Variants in PDLIM7 observed in about 807,000 individuals in gnomAD.
PDLIM7 encodes the protein PDZ and LIM domain protein 7.
PDLIM7 carries 37 observed loss-of-function variants against 53.9 expected under a neutral mutation model. The ratio of observed to expected loss-of-function variants is 0.69; its 90% CI spans 0.53 to 0.90. The LOEUF (loss-of-function observed/expected upper bound fraction) is 0.90, where lower values mean the gene tolerates loss of function less well. Among genes scored for constraint, PDLIM7 ranks in the 40% least tolerant of loss-of-function variants. The pLI, the probability that PDLIM7 is intolerant of heterozygous loss-of-function variation, is 0.00. For missense variants in PDLIM7, 617 were observed against 638.5 expected (o/e 0.97, Z 0.36); for synonymous variants, 300 against 261.3 (o/e 1.15, Z -1.43).
intron 2 of PDLIM7, 171 bp from the exon 3 acceptor site, chr5:177,492,848 T>TGGC: frequency 1.5e-6 from 1 of 646,638 alleles, no homozygotes; most frequent in Non-Finnish European, 2.6e-6. Flanking sequence ...CAGGAGGTGG[T>TGGC]GGCGCTCACC....
rs1376561984 is a variant in PDLIM7 at position 177,488,193 on chromosome 5, TAC to T, written c.923_924del (p.Cys308Ter). On this transcript the variant is annotated frameshift_variant, in exon 10 of 13. Transcript: ENST00000355841. LOFTEE classifies it high-confidence loss of function. ...GHAYHPEEFVCSQCGKVLEEG... is the reference protein window; with the variant it reads ...GHAYHPEEFVXSQCGKVLEEG... Reference sequence around the variant, plus strand: ...TCTTCCAGGACCTTCCCACACTGGCTACACACAAACTCCTCCGGGTGGTACGC... The same window carrying T: ...TCTTCCAGGACCTTCCCACACTGGCTACACAAACTCCTCCGGGTGGTACGC... 6.2e-7 allele frequency: 1 copy of T among 1,613,180 alleles called. No homozygotes were observed. The highest frequency in any genetic ancestry group is 1.7e-5 in the Admixed American group (1 of 59,992).
intron 2 of PDLIM7, 90 bp from the exon 3 acceptor site, chr5:177,492,767 TC>T: frequency 7.1e-7 from 1 of 1,414,562 alleles, no homozygotes; most frequent in Non-Finnish European, 9.7e-7. Flanking sequence ...CCCAAAGCTG[TC>T]CCACTTCCAG....
chr5:177,490,971 G>A (rs1394494085), intron 6 of PDLIM7, 39 bp downstream of exon 6: 3 of 1,614,000 alleles, frequency 1.9e-6, no homozygotes, highest in East Asian at 2.2e-5. Context: ...CCTGGGCTGG[G>A]GGCGAGGAAA....
At chr5:177,491,352 C>T in intron 5 of PDLIM7, 1 of 1,549,856 alleles carries the variant, frequency 6.5e-7, no homozygotes, top group South Asian at 1.2e-5. Flanking sequence ...GGGCCGCCAC[C>T]CAGAGTGCCA....
At chr5:177,496,387 G>T in intron 2 of PDLIM7, 30 bp downstream of exon 2, 1 of 1,507,116 alleles carries the variant, frequency 6.6e-7, no homozygotes, top group Non-Finnish European at 8.9e-7. Flanking sequence ...AAGACCGCTG[G>T]GGGAGCCCCC....
At chr5:177,496,562 G>A (rs1186802712) in intron 1 of PDLIM7, 39 bp from the exon 2 acceptor site, 3 of 1,432,520 alleles carry the variant, frequency 2.1e-6, no homozygotes, top group Non-Finnish European at 2.8e-6. Context: ...CCAGCATGGT[G>A]GGCGGGCAGG....
chr5:177,491,132 G>T lies in PDLIM7; in HGVS notation c.413C>A (p.Pro138Gln), dbSNP rs377373032. ...APQQNGQPLR[P>Q]LVPDASKQRL... ...CTGCTTGCTGGCATCTGGGACCAGCGGTCGGAGCGGCTGTCTGTGGGGAGG... is the reference window on the plus strand; with the variant it reads ...CTGCTTGCTGGCATCTGGGACCAGCTGTCGGAGCGGCTGTCTGTGGGGAGG... Residue 138 changes from proline (P) to glutamine (Q), a missense_variant, in exon 6 of 13, where the codon CCG becomes CAG. Pro to Gln is a moderately conservative substitution (Grantham distance 76). Coordinates refer to ENST00000355841, the MANE Select transcript of PDLIM7 (RefSeq NM_005451.5). 3.2e-5 allele frequency: 52 copies of T among 1,609,632 alleles called. No individual in the cohort carries two copies. The highest frequency in any genetic ancestry group is 4.4e-5 in the Non-Finnish European group (52 of 1,178,010).
intron 7 of PDLIM7, 88 bp from the exon 8 acceptor site, chr5:177,489,920 A>G (rs1195824259): frequency 1.9e-6 from 3 of 1,540,046 alleles, no homozygotes; most frequent in Non-Finnish European, 2.6e-6. Flanking sequence ...GCCCCACGGG[A>G]GATGACTGGG....
chr5:177,489,687 C>G (rs1055498741), intron 8 of PDLIM7, 60 bp from the exon 9 acceptor site: 8 of 1,494,314 alleles, frequency 5.4e-6, no homozygotes, highest in Non-Finnish European at 7.1e-6. Flanking sequence ...GGGGTGGAGC[C>G]CCAGGCAGCT....
chr5:177,491,233 G>A, intron 5 of PDLIM7, 87 bp from the exon 6 acceptor site: 1 of 1,495,256 alleles, frequency 6.7e-7, no homozygotes, highest in Non-Finnish European at 9.1e-7. Context: ...GTGGGTTTGG[G>A]TTACAGTGAT....
intron 5 of PDLIM7, 63 bp downstream of exon 5, chr5:177,491,744 C>T (rs1186353281): frequency 1.2e-6 from 1 of 803,384 alleles, no homozygotes; most frequent in Non-Finnish European, 1.7e-6. Context: ...CAGCAGCGGG[C>T]AGCGGGCGTG....
At position 177,488,261 on chromosome 5, in the gene PDLIM7, G is replaced by C; in HGVS notation, c.870-13C>G. Reference sequence around the variant, plus strand: ...CAGGTAGCGGCCCCTGCAGGGAGGCGAGAGCGGTCAGAGGGAGCACACGCA... The same window carrying C: ...CAGGTAGCGGCCCCTGCAGGGAGGCCAGAGCGGTCAGAGGGAGCACACGCA... On this transcript the variant is annotated splice_polypyrimidine_tract_variant and intron_variant, in intron 9 of 12. Coordinates refer to ENST00000355841, the MANE Select transcript of PDLIM7 (RefSeq NM_005451.5). The C allele has an allele frequency of 6.3e-7, 1 of 1,586,462 alleles. No homozygotes were observed. Among genetic ancestry groups the C allele is most frequent in the Non-Finnish European group, 8.6e-7 (1 of 1,165,788 alleles).
intron 2 of PDLIM7, chr5:177,492,948 C>A (rs745543559): frequency 4.2e-6 from 2 of 475,316 alleles, no homozygotes; most frequent in Admixed American, 3.6e-5. Context: ...TCCCCAGTCA[C>A]GATGCTTATC....
intron 2 of PDLIM7, among the ~76,000 whole-genome samples, chr5:177,493,585 G>T (rs949537509): frequency 1.3e-5 from 2 of 152,232 alleles, no homozygotes; most frequent in Admixed American, 6.5e-5. Context: ...CCAGGACTTG[G>T]CTTTGAAGGT....
intron 5 of PDLIM7, chr5:177,491,434 A>G: frequency 6.5e-7 from 1 of 1,547,770 alleles, no homozygotes; most frequent in Non-Finnish European, 8.7e-7. Flanking sequence ...TGAAGGAAAT[A>G]AGACAGACAG....
rs1758324832 is a variant in PDLIM7 at position 177,484,243 on chromosome 5, T to C, written c.1051-53A>G. The C allele has an allele frequency of 5.0e-6, 8 of 1,600,392 alleles. No individual in the cohort carries two copies. In the South Asian group the frequency reaches 7.7e-5, roughly 15 times the overall value. On this transcript the variant is annotated intron_variant, in intron 10 of 12. Transcript: ENST00000355841. ...GGCTCAGGCCCCTCCTGCCCTGCCC[T>C]GGGTCACGGGAACACAGGAGGGCTG...
chr5:177,490,393 AG>A (rs1174262948), intron 7 of PDLIM7: 13 of 1,483,624 alleles, frequency 8.8e-6, no homozygotes, highest in East Asian at 2.5e-5. Context: ...GGGGCACGAA[AG>A]GGGGGGTGAG....
intron 5 of PDLIM7, 114 bp from the exon 6 acceptor site, chr5:177,491,260 G>C: frequency 6.9e-7 from 1 of 1,440,228 alleles, no homozygotes. Flanking sequence ...GAGTGGGTAA[G>C]GGTGAGGCCA....
intron 2 of PDLIM7, chr5:177,492,893 T>C (rs1758878705): frequency 1.7e-6 from 1 of 572,952 alleles, no homozygotes; most frequent in Non-Finnish European, 3.1e-6. Context: ...ACTGCTTATT[T>C]ATTCACTGCC....
Sources: allele counts gnomAD v4.1 joint callset (sites outside exome capture counted in the v4.1 genomes callset), GRCh38; gene constraint gnomAD v4.1.1; transcripts MANE v1.5; gene names NCBI Gene and HGNC (gene_info 2026-07-23, HGNC 2026-07-21).